The following SLC25A28 variants were observed in gnomAD, a reference collection of about 807,000 sequenced individuals.
The protein encoded by SLC25A28 is solute carrier family 25 member 28.
Under a neutral mutation model 31.9 loss-of-function variants are expected in SLC25A28, and 10 were observed. The observed-to-expected ratio is 0.31, with a 90% CI of 0.19 to 0.53. The LOEUF is 0.53. Ranked by LOEUF, SLC25A28 falls within the 20% of genes least tolerant of loss-of-function variation. The probability of loss-of-function intolerance (pLI) is 0.95; values close to 1 mark genes in which losing one functional copy is unlikely to be tolerated. For missense variants in SLC25A28, 256 were observed against 490.3 expected (o/e 0.52, Z 4.51); for synonymous variants, 208 against 203.6 (o/e 1.02, Z -0.19).
At chr10:99,617,150 A>AT in intron 1 of SLC25A28, 4 of 985,372 alleles carry the variant, frequency 4.1e-6, no homozygotes, top group Non-Finnish European at 4.8e-6. Context: ...TCGCCAGAGG[A>AT]TTTTGAGAAG....
chr10:99,659,255 C>T, the SLC25A28 span, among the ~76,000 whole-genome samples: 2 of 152,216 alleles, frequency 1.3e-5, no homozygotes, highest in African/African-American at 4.8e-5. The surrounding 1 kb of genome is among the most constrained non-coding windows in gnomAD (Gnocchi z 4.1). Context: ...CCTGTGAGCT[C>T]TCCGCGGGCC....
At chr10:99,658,611 G>A in the SLC25A28 span, among the ~76,000 whole-genome samples, 3 of 152,146 alleles carry the variant, frequency 2.0e-5, no homozygotes, top group South Asian at 6.2e-4. Flanking sequence ...CTAAGAGGCT[G>A]GGACGGTTAT....
At chr10:99,649,349 T>G in the SLC25A28 span, among the ~76,000 whole-genome samples, 11 of 152,244 alleles carry the variant, frequency 7.2e-5, no homozygotes, top group Admixed American at 5.2e-4. Flanking sequence ...TGAATTTGAT[T>G]TGCTAATATT....
At chr10:99,615,136 C>T (rs989157891) in intron 1 of SLC25A28, among the ~76,000 whole-genome samples, 11 of 152,070 alleles carry the variant, frequency 7.2e-5, no homozygotes, top group African/African-American at 2.4e-4. Context: ...GAGCAGATCA[C>T]CTGAGGTCAG....
At chr10:99,636,649 GCTACT>G in the SLC25A28 span, among the ~76,000 whole-genome samples, 1 of 152,074 alleles carries the variant, frequency 6.6e-6, no homozygotes, top group African/African-American at 2.4e-5. Flanking sequence ...ATCATTCAAG[GCTACT>G]ATGAACACCT....
the SLC25A28 span, among the ~76,000 whole-genome samples, chr10:99,651,551 G>A: frequency 6.7e-6 from 1 of 148,204 alleles, no homozygotes; most frequent in African/African-American, 2.5e-5. Flanking sequence ...TCTCTTAGTA[G>A]TGTGTTTTGA....
the SLC25A28 span, among the ~76,000 whole-genome samples, chr10:99,631,902 T>A: frequency 4.8e-4 from 61 of 126,660 alleles, no homozygotes; most frequent in African/African-American, 1.7e-3. Context: ...TTTTTTTTTT[T>A]TTTTTGAGAC....
chr10:99,631,783 C>A, the SLC25A28 span, among the ~76,000 whole-genome samples: 1 of 151,868 alleles, frequency 6.6e-6, no homozygotes, highest in Non-Finnish European at 1.5e-5. Flanking sequence ...ATAGAATGCC[C>A]TCTGTATCCA....
At chr10:99,635,480 G>A in the SLC25A28 span, among the ~76,000 whole-genome samples, 1 of 150,224 alleles carries the variant, frequency 6.7e-6, no homozygotes, top group Non-Finnish European at 1.5e-5. Context: ...AGGAGATTGA[G>A]ACCATCCTGG....
chr10:99,612,516 C>T (rs2034551869), intron 3 of SLC25A28, 27 bp downstream of exon 3: 1 of 1,612,816 alleles, frequency 6.2e-7, no homozygotes, highest in East Asian at 2.2e-5. Context: ...CAGCTGCCCA[C>T]AGAGTGATAG....
At chr10:99,635,136 G>C in the SLC25A28 span, among the ~76,000 whole-genome samples, 1 of 152,114 alleles carries the variant, frequency 6.6e-6, no homozygotes, top group Non-Finnish European at 1.5e-5. Flanking sequence ...TACAAGAACT[G>C]CTAAACAGAG....
intron 1 of SLC25A28, chr10:99,618,222 T>C (rs995225593): frequency 3.2e-6 from 3 of 935,818 alleles, no homozygotes; most frequent in Non-Finnish European, 3.8e-6. Context: ...ATAGCAACAA[T>C]AGCACTATGT....
the SLC25A28 span, among the ~76,000 whole-genome samples, chr10:99,632,979 C>T: frequency 2.0e-5 from 3 of 152,114 alleles, no homozygotes; most frequent in Non-Finnish European, 4.4e-5. Flanking sequence ...CATACAAAAA[C>T]GATAAGCTAT....
chr10:99,635,691 G>T, the SLC25A28 span, among the ~76,000 whole-genome samples: 1 of 141,064 alleles, frequency 7.1e-6, no homozygotes, highest in African/African-American at 2.6e-5. Context: ...AAAAAAAAGA[G>T]CTCACCAACC....
At position 99,613,647 on chromosome 10, in the gene SLC25A28, G is replaced by T; in HGVS notation, c.520+49C>A. 6.2e-7 allele frequency: 1 copy of T among 1,613,408 alleles called. No individual in the cohort carries two copies. Among genetic ancestry groups the T allele is most frequent in the African/African-American group, 1.3e-5 (1 of 75,060 alleles). On this transcript the variant is annotated intron_variant, in intron 2 of 3. Transcript: ENST00000370495. The surrounding 1 kb of genome is among the most constrained non-coding windows in gnomAD (Gnocchi z 4.9). ...ACTGGAAAGCACTGACAGCAGCAAAGCCCAAAGAGTTGGGAAAGTGGGGGA... is the reference window on the plus strand; with the variant it reads ...ACTGGAAAGCACTGACAGCAGCAAATCCCAAAGAGTTGGGAAAGTGGGGGA...
the SLC25A28 span, among the ~76,000 whole-genome samples, chr10:99,659,237 G>T: frequency 1.3e-5 from 2 of 152,202 alleles, no homozygotes; most frequent in Admixed American, 1.3e-4. The surrounding 1 kb of genome is among the most constrained non-coding windows in gnomAD (Gnocchi z 4.1). Context: ...GCCGCCCAGC[G>T]CCACTCACCT....
Position 99,620,292 on chromosome 10 carries a change from G to A in SLC25A28, c.44C>T (p.Pro15Leu). 1.8e-6 allele frequency: 2 copies of A among 1,134,358 alleles called. No individual in the cohort carries two copies. Among genetic ancestry groups the A allele is most frequent in the South Asian group, 4.3e-5 (1 of 23,378 alleles). 70.3% of individuals were successfully genotyped at this position (1,134,358 alleles called of 1,614,324 possible). A position where few individuals can be genotyped will look rare whatever the true frequency, so the allele number is the denominator to read the frequency against. ...GGGGCTCCGCCCGGGCCCTGCCGCC[G>A]GCCCCCCCGCCACACCGCCAGCACC... ...GRGAGGVAGG[P>L]AAGPGRSPGE... Residue 15 changes from proline to leucine, a missense_variant, in exon 1 of 4, where the codon CCG becomes CTG. Pro to Leu is a moderately conservative substitution (Grantham distance 98). Transcript: ENST00000370495.
the SLC25A28 span, among the ~76,000 whole-genome samples, chr10:99,650,043 C>T: frequency 2.6e-5 from 4 of 152,150 alleles, no homozygotes; most frequent in East Asian, 7.7e-4. Flanking sequence ...ATTTTGTAAT[C>T]TTTCTACTTT....
At chr10:99,616,194 G>A (rs1385450763) in intron 1 of SLC25A28, 2 of 985,254 alleles carry the variant, frequency 2.0e-6, no homozygotes, top group Non-Finnish European at 2.4e-6. Flanking sequence ...AAACAACCCA[G>A]TAGAGAGGTA....
Sources: allele counts gnomAD v4.1 joint callset (sites outside exome capture counted in the v4.1 genomes callset), GRCh38; gene constraint gnomAD v4.1.1; non-coding constraint Gnocchi (gnomAD v3.1); transcripts MANE v1.5; gene names NCBI Gene and HGNC (gene_info 2026-07-23, HGNC 2026-07-21).